The following PCNX2 variants were observed in gnomAD, a reference collection of about 807,000 sequenced individuals.
PCNX2 encodes the protein pecanex 2, also known as pecanex-like protein 2.
A neutral mutation model predicts 223.8 loss-of-function variants in PCNX2; 168 were observed. The observed-to-expected ratio is 0.75, with a 90% CI of 0.66 to 0.85. The LOEUF (loss-of-function observed/expected upper bound fraction) is 0.85. Ranked by LOEUF, PCNX2 falls within the 40% of genes least tolerant of loss-of-function variation. PCNX2 has a pLI of 0.00. For missense variants in PCNX2, 2,507 were observed against 2,675.5 expected, an observed-to-expected ratio of 0.94 and a Z score of 1.39; for synonymous variants, 1,006 against 1,052.6, an observed-to-expected ratio of 0.96 and a Z score of 0.86.
rs182513739 is a variant in PCNX2 at position 232,991,431 on chromosome 1, G to A, written c.5792-4891C>T. On this transcript the variant is annotated intron_variant, in intron 32 of 33. Transcript: ENST00000258229. This position sits in a 1 kb window ranked among gnomAD's most constrained non-coding sequence, Gnocchi z 4.3. Reference sequence around the variant, plus strand: ...GAGAGCAGACCAGATGGGGGCCTGCGGGGGAGGGGTGCTCATGGGATGCGC... The same window carrying A: ...GAGAGCAGACCAGATGGGGGCCTGCAGGGGAGGGGTGCTCATGGGATGCGC... Among the ~76,000 whole-genome samples, 15 of 152,196 alleles carry A rather than the reference G, an allele frequency of 9.9e-5. No homozygotes were observed. In the East Asian group the frequency reaches 1.9e-3, roughly 20 times the overall value.
At chr1:233,052,480 TCCTTAGCAGGTAAGGC>T (rs1184584955) in intron 25 of PCNX2, among the ~76,000 whole-genome samples, 1 of 152,192 alleles carries the variant, frequency 6.6e-6, no homozygotes. Flanking sequence ...CATCTGCTGC[TCCTTAGCAGGTAAGGC>T]CCTTCCTCTT....
rs1049318374 is a variant in PCNX2 at position 232,991,499 on chromosome 1, C to T, written c.5792-4959G>A. On this transcript the variant is annotated intron_variant, in intron 32 of 33. Transcript: ENST00000258229. The surrounding 1 kb of genome is among the most constrained non-coding windows in gnomAD (Gnocchi z 4.3). Reference sequence around the variant, plus strand: ...AATCATGTTCCCTCCCCAGACTCCTCTGTTGAAGCCCTAACCCCCAGGACC... The same window carrying T: ...AATCATGTTCCCTCCCCAGACTCCTTTGTTGAAGCCCTAACCCCCAGGACC... 1.6e-4 allele frequency among the ~76,000 whole-genome samples: 25 copies of T among 152,080 alleles called. No individual in the cohort carries two copies. The highest frequency in any genetic ancestry group is 5.2e-4 in the Admixed American group (8 of 15,276).
the PCNX2 span, among the ~76,000 whole-genome samples, chr1:233,325,475 A>G: frequency 2.2e-3 from 326 of 147,232 alleles, 3 homozygotes; most frequent in African/African-American, 7.4e-3. Context: ...TGGCTAACAC[A>G]GTGAAACCCT....
At chr1:233,064,191 T>C (rs1672506917) in intron 23 of PCNX2, among the ~76,000 whole-genome samples, 1 of 152,228 alleles carries the variant, frequency 6.6e-6, no homozygotes, top group South Asian at 2.1e-4. Flanking sequence ...TCAGTTTTTA[T>C]TGTGGAATTA....
At chr1:233,243,949 A>G (rs1203334538) in intron 8 of PCNX2, among the ~76,000 whole-genome samples, 1 of 151,984 alleles carries the variant, frequency 6.6e-6, no homozygotes, top group Non-Finnish European at 1.5e-5. Flanking sequence ...CTCCTGCCTC[A>G]GCCTCCCAAG....
intron 8 of PCNX2, among the ~76,000 whole-genome samples, chr1:233,247,924 T>G (rs898849201): frequency 3.4e-5 from 5 of 148,102 alleles, no homozygotes; most frequent in Non-Finnish European, 7.4e-5. Context: ...TGAGCCACCA[T>G]GCCCAGCCCT....
chr1:233,320,285 A>T, the PCNX2 span, among the ~76,000 whole-genome samples: 1 of 152,178 alleles, frequency 6.6e-6, no homozygotes, highest in Non-Finnish European at 1.5e-5. Flanking sequence ...CAATATCACA[A>T]CTAAGAAGTC....
At chr1:233,172,125 G>A (rs187639665) in intron 17 of PCNX2, among the ~76,000 whole-genome samples, 237 of 152,200 alleles carry the variant, frequency 1.6e-3, no homozygotes, top group African/African-American at 5.4e-3. Flanking sequence ...ACTTCTTTAA[G>A]CATCTTAAGT....
intron 1 of PCNX2, among the ~76,000 whole-genome samples, chr1:233,266,758 G>C (rs1428577942): frequency 6.6e-6 from 1 of 152,132 alleles, no homozygotes; most frequent in East Asian, 1.9e-4. Context: ...ACACATTCTA[G>C]TTAACAATGG....
rs554474695 is a variant in PCNX2 at position 233,258,592 on chromosome 1, C to T, written c.1270G>A (p.Glu424Lys). The change falls in exon 5 of 34, where the codon GAG (glutamate) becomes AAG (lysine). Residue 424 changes from glutamate to lysine, a missense_variant. Glu to Lys is a moderately conservative substitution (Grantham distance 56). Transcript: ENST00000258229. ...NPGAAGSPNA[E>K]QISIPVITLD... The stretch of plus-strand genomic sequence containing the variant: ...GTGATTACAGGAATTGAGATCTGCT[C>T]GGCATTTGGAGAACCGGCCGCCCCT... The T allele has an allele frequency of 3.3e-5, 54 of 1,613,932 alleles. No individual in the cohort carries two copies. Among genetic ancestry groups the T allele is most frequent in the South Asian group, 1.4e-4 (13 of 91,072 alleles).
intron 2 of PCNX2, among the ~76,000 whole-genome samples, chr1:233,262,689 T>C (rs992683891): frequency 6.6e-6 from 1 of 152,168 alleles, no homozygotes; most frequent in East Asian, 1.9e-4. Context: ...GAAGGGAAAT[T>C]TTTTGCAGTG....
chr1:233,154,750 C>A (rs1035279871), intron 19 of PCNX2, among the ~76,000 whole-genome samples: 1 of 152,138 alleles, frequency 6.6e-6, no homozygotes, highest in Non-Finnish European at 1.5e-5. Context: ...CCTTTTACTT[C>A]TTTCTTTTTA....
At chr1:232,987,933 T>C (rs1669550799) in intron 32 of PCNX2, among the ~76,000 whole-genome samples, 2 of 152,194 alleles carry the variant, frequency 1.3e-5, no homozygotes, top group Admixed American at 1.3e-4. Flanking sequence ...CCCACAGTGC[T>C]GGGGGCTTCC....
At position 233,240,538 on chromosome 1, in the gene PCNX2, A is replaced by G. The variant is rs374081209; in HGVS notation, c.2223-3558T>C. Among the ~76,000 whole-genome samples, 33 of 152,352 alleles carry G rather than the reference A, an allele frequency of 2.2e-4. 1 individual carries two copies. In the South Asian group the frequency reaches 6.8e-3, roughly 32 times the overall value. On this transcript the variant is annotated intron_variant, in intron 8 of 33. Coordinates refer to ENST00000258229, the MANE Select transcript of PCNX2 (RefSeq NM_014801.4). The stretch of plus-strand genomic sequence containing the variant: ...TAGTAACTATTCTGTGAACTACAGT[A>G]CACGATACTTAGCACATCTGGTCTC...
chr1:233,238,417 G>A (rs543034890), intron 8 of PCNX2, among the ~76,000 whole-genome samples: 3 of 152,138 alleles, frequency 2.0e-5, no homozygotes, highest in South Asian at 4.1e-4. Flanking sequence ...ACAGCTGGGC[G>A]CAGTAGCTGA....
At chr1:233,245,894 TGACA>T (rs1297886033) in intron 8 of PCNX2, among the ~76,000 whole-genome samples, 4 of 151,914 alleles carry the variant, frequency 2.6e-5, no homozygotes, top group Non-Finnish European at 5.9e-5. Context: ...CCAGACTGGG[TGACA>T]GACGGAGACT....
intron 23 of PCNX2, among the ~76,000 whole-genome samples, chr1:233,075,529 T>C (rs1673050671): frequency 6.6e-6 from 1 of 152,180 alleles, no homozygotes; most frequent in African/African-American, 2.4e-5. Flanking sequence ...TACGTGTCAC[T>C]AATTTGAAGC....
At chr1:233,087,063 G>T (rs1427741220) in intron 23 of PCNX2, 6 of 985,386 alleles carry the variant, frequency 6.1e-6, no homozygotes, top group Non-Finnish European at 7.2e-6. Flanking sequence ...CAGGAGGTCT[G>T]CAGGTTTCAG....
chr1:233,219,237 G>C (rs1274263201), intron 10 of PCNX2, among the ~76,000 whole-genome samples: 1 of 151,728 alleles, frequency 6.6e-6, no homozygotes, highest in Non-Finnish European at 1.5e-5. Context: ...ACTGAAGATG[G>C]CAAGGGCTGC....
Sources: allele counts gnomAD v4.1 joint callset (sites outside exome capture counted in the v4.1 genomes callset), GRCh38; gene constraint gnomAD v4.1.1; non-coding constraint Gnocchi (gnomAD v3.1); transcripts MANE v1.5; gene names NCBI Gene and HGNC (gene_info 2026-07-23, HGNC 2026-07-21).